NKAIN3: variants seen among roughly 807,000 people sequenced by gnomAD.
NKAIN3 encodes the protein sodium/potassium transporting ATPase interacting 3.
NKAIN3 carries 25 observed loss-of-function variants against 30.2 expected under a neutral mutation model. That is an observed-to-expected ratio of 0.83 (90% CI 0.60 to 1.16). The LOEUF (loss-of-function observed/expected upper bound fraction) is 1.16, where lower values mean the gene tolerates loss of function less well. NKAIN3 is among the 50% of genes most tolerant of loss of function. The probability of loss-of-function intolerance (pLI) is 0.00; values close to 1 mark genes in which losing one functional copy is unlikely to be tolerated. For synonymous variants in NKAIN3, 91 were observed against 89.6 expected (o/e 1.02, Z -0.09); for missense variants, 225 against 254.1 (o/e 0.89, Z 0.78).
intron 4 of NKAIN3, among the ~76,000 whole-genome samples, chr8:62,800,337 C>T (rs1818014527): frequency 6.6e-6 from 1 of 152,154 alleles, no homozygotes; most frequent in Non-Finnish European, 1.5e-5. Context: ...TCATGCAAGA[C>T]CCTCTGCAAA....
At chr8:62,524,953 C>G (rs1156467913) in intron 1 of NKAIN3, among the ~76,000 whole-genome samples, 1 of 151,378 alleles carries the variant, frequency 6.6e-6, no homozygotes, top group Non-Finnish European at 1.5e-5. Context: ...GATTTTGCTG[C>G]AGGGTCCATG....
intron 4 of NKAIN3, among the ~76,000 whole-genome samples, chr8:62,913,948 A>C (rs937388897): frequency 1.3e-5 from 2 of 152,206 alleles, no homozygotes; most frequent in African/African-American, 4.8e-5. Context: ...TTCCTCAAAG[A>C]GCAAAAAGCA....
intron 1 of NKAIN3, among the ~76,000 whole-genome samples, chr8:62,337,703 T>C (rs7833412): frequency 0.039 from 5,952 of 152,044 alleles, 421 homozygotes; most frequent in African/African-American, 0.14. Flanking sequence ...CTTTCAAACA[T>C]GTAACTGAAA....
At chr8:62,792,744 GA>G (rs1467032304) in intron 4 of NKAIN3, among the ~76,000 whole-genome samples, 3 of 152,120 alleles carry the variant, frequency 2.0e-5, no homozygotes, top group African/African-American at 4.8e-5. Flanking sequence ...AGTCTTGAAA[GA>G]TGAATAGAAA....
rs543498740 is a variant in NKAIN3 at position 62,919,522 on chromosome 8, G to A, written c.532+1009G>A. On this transcript the variant is annotated intron_variant, in intron 5 of 6. Transcript: ENST00000623646. ...GGCCTCCCAAAGTGCTGGGATTACA[G>A]GCGTCAGCCACCATGCCCAGCCTAC... Among the ~76,000 whole-genome samples the A allele has an allele frequency of 2.0e-5, 3 of 152,096 alleles. No individual in the cohort carries two copies. In the South Asian group the frequency reaches 6.2e-4, roughly 32 times the overall value.
rs1439815878 is a variant in NKAIN3 at position 62,633,214 on chromosome 8, T to C, written c.273+43420T>C. The stretch of plus-strand genomic sequence containing the variant: ...TAATTCGCACCTCGCAGGACTGTTA[T>C]GAACATTATCATTTTAGAATATTTT... On this transcript the variant is annotated intron_variant, in intron 3 of 6. Transcript: ENST00000623646. 2.0e-5 allele frequency among the ~76,000 whole-genome samples: 3 copies of C among 152,330 alleles called. No homozygotes were observed. The East Asian group carries it at 5.8e-4, about 29-fold the overall frequency.
chr8:62,579,301 C>CTTA (rs1810217793), intron 1 of NKAIN3, among the ~76,000 whole-genome samples: 1 of 151,976 alleles, frequency 6.6e-6, no homozygotes, highest in African/African-American at 2.4e-5. Flanking sequence ...CTCTCACTCT[C>CTTA]CAGATAGATT....
chr8:62,768,481 C>T (rs1563553647), intron 4 of NKAIN3, among the ~76,000 whole-genome samples: 2 of 152,242 alleles, frequency 1.3e-5, no homozygotes, highest in South Asian at 4.1e-4. Flanking sequence ...CTTGAGGCTC[C>T]AGAAGTTCTC....
chr8:62,647,400 C>A (rs1319409856), intron 3 of NKAIN3, among the ~76,000 whole-genome samples: 2 of 152,118 alleles, frequency 1.3e-5, no homozygotes, highest in Non-Finnish European at 2.9e-5. Context: ...CAATTATGAG[C>A]AAGGTGGACA....
At position 62,983,145 on chromosome 8, in the gene NKAIN3, G is replaced by A. The variant is rs1234777151; in HGVS notation, c.*17738G>A. 2 of 152,132 alleles carry A rather than the reference G, an allele frequency of 1.3e-5. No individual in the cohort carries two copies. Among genetic ancestry groups the A allele is most frequent in the African/African-American group, 4.8e-5 (2 of 41,390 alleles). 9.4% of individuals were successfully genotyped at this position (152,132 alleles called of 1,614,324 possible). On this transcript the variant is annotated 3_prime_UTR_variant, in exon 7 of 7. Coordinates refer to ENST00000623646, the MANE Select transcript of NKAIN3 (RefSeq NM_001304533.3). ...GCCACACTACTTGCCAGTATCCACT[G>A]GGAGACAAATTATGATTGTTGCGTC...
At chr8:62,862,914 G>T (rs1305159394) in intron 4 of NKAIN3, among the ~76,000 whole-genome samples, 2 of 152,190 alleles carry the variant, frequency 1.3e-5, no homozygotes, top group Non-Finnish European at 1.5e-5. Context: ...TTTTTCCACA[G>T]TGCAGGAGTG....
At chr8:62,856,992 AC>A in intron 4 of NKAIN3, 1 of 527,202 alleles carries the variant, frequency 1.9e-6, no homozygotes, top group Non-Finnish European at 3.7e-6. Context: ...CTTCCTGAAT[AC>A]TTATAGTCTC....
intron 5 of NKAIN3, among the ~76,000 whole-genome samples, chr8:62,931,429 C>T (rs1348148710): frequency 6.6e-6 from 1 of 151,956 alleles, no homozygotes; most frequent in Non-Finnish European, 1.5e-5. Context: ...ACAGATTATC[C>T]CAATGATTAT....
intron 4 of NKAIN3, among the ~76,000 whole-genome samples, chr8:62,889,462 A>G (rs979682282): frequency 6.6e-6 from 1 of 152,208 alleles, no homozygotes; most frequent in Non-Finnish European, 1.5e-5. Context: ...ATAATGTAAT[A>G]TAGTATTGCT....
rs149960539 is a variant in NKAIN3 at position 62,966,036 on chromosome 8, G to GATAT, written c.*640_*643dup. 41 of 959,058 alleles carry GATAT rather than the reference G, an allele frequency of 4.3e-5. No homozygotes were observed. The highest frequency in any genetic ancestry group is 1.9e-4 in the South Asian group (4 of 20,790). The allele number at this position is 959,058 out of a possible 1,614,324, so 59.4% of individuals were successfully genotyped here. ...GATTCGTGCATATCTTGTTTTTCCT[G>GATAT]ATATATATATATATGTAGGCACATG... On this transcript the variant is annotated 3_prime_UTR_variant, in exon 7 of 7. Transcript: ENST00000623646.
intron 4 of NKAIN3, among the ~76,000 whole-genome samples, chr8:62,762,985 G>A (rs1399712051): frequency 1.3e-5 from 2 of 151,964 alleles, no homozygotes; most frequent in Non-Finnish European, 2.9e-5. Flanking sequence ...GCACTTCGGA[G>A]GCCAAGGCAG....
intron 1 of NKAIN3, among the ~76,000 whole-genome samples, chr8:62,304,662 T>C (rs1814166873): frequency 6.6e-6 from 1 of 150,402 alleles, no homozygotes; most frequent in African/African-American, 2.5e-5. Flanking sequence ...TGTTACTAAC[T>C]GACCTTGTCT....
chr8:62,509,028 C>T lies in NKAIN3; in HGVS notation c.55-70511C>T, dbSNP rs530344382. 6.6e-5 allele frequency among the ~76,000 whole-genome samples: 10 copies of T among 152,266 alleles called. No individual in the cohort carries two copies. In the East Asian group the frequency reaches 1.9e-3, roughly 29 times the overall value. ...CTGTATATCTTTAGTGAGAAGGTCACTTTCTCTGCAAGGTGTAGCCTACAG... is the reference window on the plus strand; with the variant it reads ...CTGTATATCTTTAGTGAGAAGGTCATTTTCTCTGCAAGGTGTAGCCTACAG... On this transcript the variant is annotated intron_variant, in intron 1 of 6. Coordinates refer to ENST00000623646, the MANE Select transcript of NKAIN3 (RefSeq NM_001304533.3).
chr8:62,793,821 C>T (rs1037661470), intron 4 of NKAIN3, among the ~76,000 whole-genome samples: 2 of 152,140 alleles, frequency 1.3e-5, no homozygotes, highest in Admixed American at 6.6e-5. Context: ...TGTCATTACC[C>T]AGAATGTCTA....
Sources: allele counts gnomAD v4.1 joint callset (sites outside exome capture counted in the v4.1 genomes callset), GRCh38; gene constraint gnomAD v4.1.1; transcripts MANE v1.5; gene names NCBI Gene and HGNC (gene_info 2026-07-23, HGNC 2026-07-21).